Variants in AMPH observed in about 807,000 individuals in gnomAD.
AMPH encodes amphiphysin (Stiff-Mann syndrome with breast cancer 128kD autoantigen).
AMPH carries 49 observed loss-of-function variants against 99.1 expected under a neutral mutation model. That is an observed-to-expected ratio of 0.49 (90% CI 0.39 to 0.63). The LOEUF (loss-of-function observed/expected upper bound fraction) is 0.63, where lower values mean the gene tolerates loss of function less well. AMPH is among the 20% of genes least tolerant of loss of function. The pLI, the probability that AMPH is intolerant of heterozygous loss-of-function variation, is 0.00. For missense variants in AMPH, 759 were observed against 863.4 expected (o/e 0.88, Z 1.52); for synonymous variants, 314 against 317.3 (o/e 0.99, Z 0.11).
chr7:38,605,662 G>A (rs139147460), intron 1 of AMPH, among the ~76,000 whole-genome samples: 138 of 151,946 alleles, frequency 9.1e-4, no homozygotes, highest in Non-Finnish European at 1.2e-3. Flanking sequence ...TGCAGTCTCC[G>A]CCTCCTCAGT....
intron 1 of AMPH, among the ~76,000 whole-genome samples, chr7:38,546,064 C>A (rs1249195377): frequency 6.6e-6 from 1 of 152,118 alleles, no homozygotes; most frequent in Admixed American, 6.5e-5. Flanking sequence ...TTCAGTTTGT[C>A]CACGTGGTCG....
At chr7:38,443,819 A>G (rs1043643549) in intron 11 of AMPH, among the ~76,000 whole-genome samples, 2 of 152,128 alleles carry the variant, frequency 1.3e-5, no homozygotes, top group African/African-American at 4.8e-5. Context: ...TTTACTCAAT[A>G]TTATTCTGGT....
intron 20 of AMPH, among the ~76,000 whole-genome samples, chr7:38,386,152 G>A (rs185920061): frequency 2.0e-5 from 3 of 152,176 alleles, no homozygotes; most frequent in Admixed American, 1.3e-4. Context: ...GGAAAAAAAC[G>A]ACTCAATAAA....
rs115367182 is a variant in AMPH, at chr7:38,552,750, G to A, written c.70-17739C>T. ...AATAAGGGAAGGGAAGAGCTTTGGA[G>A]AAGGTTCATGACCTTGACCCTGTTC... On this transcript the variant is annotated intron_variant, in intron 1 of 20. Transcript: ENST00000356264. Among the ~76,000 whole-genome samples, 936 of 152,306 alleles carry A rather than the reference G, an allele frequency of 6.1e-3. 4 individuals are homozygous for A. Among genetic ancestry groups the A allele is most frequent in the African/African-American group, 0.021 (885 of 41,570 alleles).
chr7:38,587,003 T>G (rs1283310585), intron 1 of AMPH, among the ~76,000 whole-genome samples: 1 of 116,552 alleles, frequency 8.6e-6, no homozygotes, highest in Non-Finnish European at 1.7e-5. Flanking sequence ...ATATTAGGAA[T>G]TGTGTAAATA....
At chr7:38,565,706 G>T (rs889510461) in intron 1 of AMPH, among the ~76,000 whole-genome samples, 1 of 151,386 alleles carries the variant, frequency 6.6e-6, no homozygotes, top group Admixed American at 6.6e-5. Flanking sequence ...ACAATTCAGT[G>T]GGGGTGGGTG....
At chr7:38,558,370 T>C (rs1171928568) in intron 1 of AMPH, among the ~76,000 whole-genome samples, 3 of 152,174 alleles carry the variant, frequency 2.0e-5, no homozygotes, top group Non-Finnish European at 4.4e-5. Context: ...AATCCATTGC[T>C]TGGGATTCCA....
At chr7:38,421,894 C>T (rs148147443) in intron 16 of AMPH, among the ~76,000 whole-genome samples, 47 of 152,296 alleles carry the variant, frequency 3.1e-4, no homozygotes, top group Admixed American at 1.8e-3. Flanking sequence ...TCTTCTCTAA[C>T]GCCAGGAGTA....
intron 18 of AMPH, among the ~76,000 whole-genome samples, chr7:38,392,972 G>A (rs1328794278): frequency 1.3e-5 from 2 of 152,198 alleles, no homozygotes; most frequent in East Asian, 3.8e-4. Flanking sequence ...CCTTTCATTT[G>A]TTTAACAAAG....
At chr7:38,624,259 G>GA (rs1251986333) in intron 1 of AMPH, among the ~76,000 whole-genome samples, 5 of 150,694 alleles carry the variant, frequency 3.3e-5, no homozygotes, top group South Asian at 2.1e-4. Context: ...TGTAATGCAT[G>GA]AAAAAAAAAT....
At chr7:38,599,970 T>C (rs1293994331) in intron 1 of AMPH, among the ~76,000 whole-genome samples, 1 of 152,038 alleles carries the variant, frequency 6.6e-6, no homozygotes, top group Non-Finnish European at 1.5e-5. Context: ...TTTATTTTCT[T>C]ATAATATATT....
rs79353175 is a variant in AMPH at position 38,565,936 on chromosome 7, C to T, written c.70-30925G>A. On this transcript the variant is annotated intron_variant, in intron 1 of 20. Transcript: ENST00000356264. ...AACACTGAAATAATAGTCAATGCAA[C>T]ATTTACAAAACTATCACTTTCCATT... is the stretch of plus-strand genomic sequence containing the variant. 6.1e-3 allele frequency among the ~76,000 whole-genome samples: 928 copies of T among 152,272 alleles called. 11 individuals are homozygous for T. Among genetic ancestry groups the T allele is most frequent in the African/African-American group, 0.021 (891 of 41,552 alleles).
At chr7:38,464,085 T>A (rs751629723) in intron 9 of AMPH, 50 of 1,289,590 alleles carry the variant, frequency 3.9e-5, no homozygotes, top group Middle Eastern at 4.2e-4. Flanking sequence ...CTGAGCTCAC[T>A]CACCACCTCA....
Position 38,576,035 on chromosome 7 carries a change from AT to A in AMPH, c.70-41025del, listed in dbSNP as rs539147567. Among the ~76,000 whole-genome samples, 7 of 152,318 alleles carry A rather than the reference AT, an allele frequency of 4.6e-5. No individual in the cohort carries two copies. The South Asian group carries it at 1.4e-3, about 32-fold the overall frequency. ...GCCTTCGAATTCTAAGTTGGCAAACATTTTATAAGCCTCTGGGATAGACTGC... is the reference window on the plus strand; with the variant it reads ...GCCTTCGAATTCTAAGTTGGCAAACATTTATAAGCCTCTGGGATAGACTGC... On this transcript the variant is annotated intron_variant, in intron 1 of 20. Coordinates refer to ENST00000356264, the MANE Select transcript of AMPH (RefSeq NM_001635.4).
intron 5 of AMPH, among the ~76,000 whole-genome samples, chr7:38,488,088 C>T (rs888948722): frequency 1.3e-5 from 2 of 152,060 alleles, no homozygotes; most frequent in African/African-American, 2.4e-5. Flanking sequence ...AGTGTAAATT[C>T]GTTCAACCAT....
At chr7:38,455,129 G>C (rs1787181002) in intron 11 of AMPH, among the ~76,000 whole-genome samples, 1 of 151,650 alleles carries the variant, frequency 6.6e-6, no homozygotes, top group Non-Finnish European at 1.5e-5. Context: ...GCCCAGGCTG[G>C]AGTGCAACGG....
At chr7:38,562,127 G>A (rs1030491443) in intron 1 of AMPH, among the ~76,000 whole-genome samples, 16 of 151,980 alleles carry the variant, frequency 1.1e-4, no homozygotes, top group Admixed American at 3.3e-4. Flanking sequence ...GGAAGGAAAC[G>A]TGAGGCTAAA....
chr7:38,479,843 T>C (rs1385703657), intron 5 of AMPH, among the ~76,000 whole-genome samples: 1 of 151,472 alleles, frequency 6.6e-6, no homozygotes, highest in East Asian at 1.9e-4. Flanking sequence ...ATGAGAAAAA[T>C]GTAAAAATAA....
chr7:38,500,349 A>G (rs2129025382), intron 3 of AMPH, among the ~76,000 whole-genome samples: 1 of 152,314 alleles, frequency 6.6e-6, no homozygotes, highest in South Asian at 2.1e-4. Context: ...TTGTTAACAT[A>G]GTCAATCAGC....
Sources: allele counts gnomAD v4.1 joint callset (sites outside exome capture counted in the v4.1 genomes callset), GRCh38; gene constraint gnomAD v4.1.1; transcripts MANE v1.5; gene names NCBI Gene and HGNC (gene_info 2026-07-23, HGNC 2026-07-21).